Variants in TIAM1 observed in about 807,000 individuals in gnomAD.
The protein encoded by TIAM1 is TIAM Rac1 associated GEF 1, also known as rho guanine nucleotide exchange factor TIAM1.
In TIAM1, 65 loss-of-function variants were observed where a neutral mutation model predicts 163.5. The observed-to-expected ratio is 0.40, with a 90% confidence interval of 0.33 to 0.49. The LOEUF (loss-of-function observed/expected upper bound fraction) is 0.49. TIAM1 is among the 20% of genes least tolerant of loss of function. The pLI is 0.77. For synonymous variants in TIAM1, 833 were observed against 810.1 expected, an observed-to-expected ratio of 1.03 and a Z score of -0.48; for missense variants, 1,789 against 2,044.7, an observed-to-expected ratio of 0.87 and a Z score of 2.41.
At chr21:31,347,938 G>A (rs2076175984), upstream of TIAM1, among the ~76,000 whole-genome samples, 1 of 152,222 alleles carries the variant, frequency 6.6e-6, no homozygotes, top group Admixed American at 6.5e-5. Flanking sequence ...ATAAATTCAT[G>A]TTGGAAAACA....
intron 23 of TIAM1, among the ~76,000 whole-genome samples, chr21:31,132,331 T>C (rs1209530136): frequency 6.6e-6 from 1 of 152,182 alleles, no homozygotes; most frequent in East Asian, 1.9e-4. Flanking sequence ...CGGTCTAGAC[T>C]GCCCATAGCC....
At chr21:31,228,219 TTAAAAAA>T (rs2088118421) in intron 6 of TIAM1, among the ~76,000 whole-genome samples, 5 of 17,620 alleles carry the variant, frequency 2.8e-4, no homozygotes, top group Non-Finnish European at 4.1e-4. Context: ...CCTCCTTTTT[TTAAAAAA>T]AAAAAAAAAA....
chr21:31,557,906 G>A (rs940323348), intron 1 of TIAM1, among the ~76,000 whole-genome samples: 1 of 152,082 alleles, frequency 6.6e-6, no homozygotes, highest in Non-Finnish European at 1.5e-5. Flanking sequence ...TGGGACACGG[G>A]CGCCCCCGGG....
intron 16 of TIAM1, among the ~76,000 whole-genome samples, chr21:31,163,138 T>C (rs2146358326): frequency 6.6e-6 from 1 of 152,328 alleles, no homozygotes; most frequent in Non-Finnish European, 1.5e-5. Context: ...TTGGATCCAA[T>C]ACTTTTTAAG....
intron 3 of TIAM1, 92 bp downstream of exon 3, chr21:31,276,640 A>G (rs1242296127): frequency 6.6e-6 from 1 of 152,218 alleles, no homozygotes; most frequent in Admixed American, 6.5e-5. Context: ...ACACACAACA[A>G]TGATAGTAAA....
chr21:31,522,452 G>A (rs1906726571), intron 1 of TIAM1, among the ~76,000 whole-genome samples: 1 of 151,414 alleles, frequency 6.6e-6, no homozygotes, highest in Admixed American at 6.6e-5. Flanking sequence ...AGAGGTTGCG[G>A]TGAGCCGAGA....
intron 4 of TIAM1, among the ~76,000 whole-genome samples, chr21:31,257,546 G>C (rs1199942102): frequency 1.3e-5 from 2 of 151,838 alleles, no homozygotes; most frequent in Non-Finnish European, 1.5e-5. Flanking sequence ...CAGAGACTCA[G>C]TTTTTTCTCT....
In TIAM1 at chr21:31,266,717, C is replaced by G. The variant is rs751635033; in HGVS notation, c.256G>C (p.Gly86Arg). 1 of 1,614,208 alleles carries G rather than the reference C, an allele frequency of 6.2e-7. No individual in the cohort carries two copies. Among genetic ancestry groups the G allele is most frequent in the Non-Finnish European group, 8.5e-7 (1 of 1,180,042 alleles). Reference protein sequence around the residue: ...FSQDGTLEDFGSPIWVDRVDM... With the variant: ...FSQDGTLEDFRSPIWVDRVDM... ...ACTCGGTCCACCCAGATGGGGCTCCCGAAGTCTTCTAGGGTACCATCTTGG... is the reference window on the plus strand; with the variant it reads ...ACTCGGTCCACCCAGATGGGGCTCCGGAAGTCTTCTAGGGTACCATCTTGG... The change falls in exon 4 of 28, where the codon GGG becomes CGG. Residue 86 changes from glycine (G) to arginine (R), a missense_variant. Physicochemically the swap from Gly to Arg is moderately radical, Grantham distance 125 (BLOSUM62 -2). Transcript: ENST00000541036.
chr21:31,211,276 GTTCCTTAGCTTGATATAATGTTACT>G (rs2086875957), intron 10 of TIAM1, among the ~76,000 whole-genome samples: 1 of 152,162 alleles, frequency 6.6e-6, no homozygotes, highest in South Asian at 2.1e-4. Flanking sequence ...AGCAGAGGAT[GTTCCTTAGCTTGATATAATGTTACT>G]TTCCTTAGAT....
chr21:31,548,647 C>A (rs1222671933), intron 1 of TIAM1, among the ~76,000 whole-genome samples: 3 of 151,266 alleles, frequency 2.0e-5, no homozygotes, highest in Non-Finnish European at 2.9e-5. Context: ...ACCACCATGC[C>A]CAGCTAATTT....
chr21:31,222,967 G>A (rs2087709933), intron 8 of TIAM1, among the ~76,000 whole-genome samples: 1 of 151,414 alleles, frequency 6.6e-6, no homozygotes, highest in Non-Finnish European at 1.5e-5. Flanking sequence ...ATCCACCTGC[G>A]TCGGCCTCCC....
At chr21:31,306,780 C>G (rs1292542184) in intron 2 of TIAM1, among the ~76,000 whole-genome samples, 1 of 152,192 alleles carries the variant, frequency 6.6e-6, no homozygotes, top group Non-Finnish European at 1.5e-5. Context: ...CTGAAGGAGT[C>G]TAAAGACACG....
chr21:31,195,955 A>G (rs995138703), intron 12 of TIAM1, among the ~76,000 whole-genome samples: 10 of 152,356 alleles, frequency 6.6e-5, no homozygotes, highest in Non-Finnish European at 1.0e-4. Flanking sequence ...GAGCTTCTGC[A>G]CAGAAAAAGA....
rs1391875693 is a variant in TIAM1 at position 31,271,773 on chromosome 21, G to A, written c.-11-4790C>T. 2.0e-5 allele frequency among the ~76,000 whole-genome samples: 3 copies of A among 152,126 alleles called. No homozygotes were observed. The East Asian group carries it at 5.8e-4, about 29-fold the overall frequency. On this transcript the variant is annotated intron_variant, in intron 3 of 27. Coordinates refer to ENST00000541036, the MANE Select transcript of TIAM1 (RefSeq NM_001353694.2). Reference sequence around the variant, plus strand: ...GCAAAGGAGTCTTAGTGGCATGATGGGCAAGAGTGTCATCTGAAAGTGGTA... The same window carrying A: ...GCAAAGGAGTCTTAGTGGCATGATGAGCAAGAGTGTCATCTGAAAGTGGTA...
intron 2 of TIAM1, among the ~76,000 whole-genome samples, chr21:31,416,587 C>T (rs2043381375): frequency 6.6e-6 from 1 of 152,212 alleles, no homozygotes; most frequent in Non-Finnish European, 1.5e-5. Context: ...GTTTTCCATT[C>T]CTGAGTTACT....
chr21:31,272,231 G>A (rs1371797606), intron 3 of TIAM1, among the ~76,000 whole-genome samples: 3 of 152,034 alleles, frequency 2.0e-5, no homozygotes, highest in Non-Finnish European at 4.4e-5. Context: ...GTAACTTACT[G>A]AATACTGTGC....
At chr21:31,308,409 T>C (rs2074798594) in intron 2 of TIAM1, among the ~76,000 whole-genome samples, 1 of 151,150 alleles carries the variant, frequency 6.6e-6, no homozygotes, top group African/African-American at 2.4e-5. Flanking sequence ...TCTATATGCC[T>C]ATATATTTTA....
intron 1 of TIAM1, among the ~76,000 whole-genome samples, chr21:31,467,831 C>T (rs553472082): frequency 6.6e-6 from 1 of 151,772 alleles, no homozygotes; most frequent in African/African-American, 2.4e-5. Flanking sequence ...TGCCTGTAAT[C>T]CTAGCACTTT....
chr21:31,502,307 T>C (rs2046875345), intron 1 of TIAM1, among the ~76,000 whole-genome samples: 2 of 152,216 alleles, frequency 1.3e-5, no homozygotes, highest in Admixed American at 6.5e-5. Context: ...GGTCTCGCTC[T>C]GTCGCCCAGG....
Sources: gnomAD v4.1 joint callset for allele counts (sites outside exome capture counted in the v4.1 genomes callset) on GRCh38, gnomAD v4.1.1 for gene constraint, MANE v1.5 for transcripts, NCBI Gene and HGNC (gene_info 2026-07-23, HGNC 2026-07-21) for gene names.